Variants in P2RX7 observed in about 807,000 individuals in gnomAD.
P2RX7 encodes P2X purinoceptor 7.
P2RX7 carries 62 observed loss-of-function variants against 71.6 expected under a neutral mutation model. That is an observed-to-expected ratio of 0.87 (90% confidence interval 0.71 to 1.07). P2RX7 has a LOEUF of 1.07. Among genes scored for constraint, P2RX7 ranks in the 50% least tolerant of loss-of-function variants. The pLI is 0.00. For missense variants in P2RX7, 686 were observed against 748.5 expected (o/e 0.92, Z 0.97); for synonymous variants, 299 against 283.3 (o/e 1.06, Z -0.56).
At chr12:121,163,602 T>C (rs938598489) in intron 5 of P2RX7, among the ~76,000 whole-genome samples, 1 of 1,440 alleles carries the variant, frequency 6.9e-4, no homozygotes, top group Non-Finnish European at 1.7e-3. Context: ...GACAGGTAGA[T>C]AGATAGATAG....
At position 121,149,788 on chromosome 12, in the gene P2RX7, T is replaced by C. The variant is rs1448832853; in HGVS notation, c.126-4997T>C. ...TCTCACTGTGTTGCCCAGGCTTGTC[T>C]TGAACTCCTGGGCTCAAGGGATCCT... On this transcript the variant is annotated intron_variant, in intron 1 of 12. Coordinates refer to ENST00000328963, the MANE Select transcript of P2RX7 (RefSeq NM_002562.6). The surrounding 1 kb of genome is among the most constrained non-coding windows in gnomAD (Gnocchi z 4.7). 1.3e-5 allele frequency among the ~76,000 whole-genome samples: 2 copies of C among 152,128 alleles called. No homozygotes were observed. The highest frequency in any genetic ancestry group is 1.3e-4 in the Admixed American group (2 of 15,252).
intron 5 of P2RX7, 134 bp downstream of exon 5, chr12:121,162,654 G>GTC: frequency 1.1e-6 from 1 of 936,186 alleles, no homozygotes; most frequent in Non-Finnish European, 1.6e-6. Flanking sequence ...GGACCCCTGC[G>GTC]CTCTGGATGC....
chr12:121,136,019 A>ATATAT lies in P2RX7; in HGVS notation c.125+2924_125+2925insTATAT, dbSNP rs1456392857. 4.3e-3 allele frequency among the ~76,000 whole-genome samples: 76 copies of ATATAT among 17,838 alleles called. No individual in the cohort carries two copies. In the South Asian group the frequency reaches 0.068, roughly 16 times the overall value. The allele number at this position is 17,838 out of a possible 152,430, so 11.7% of individuals were successfully genotyped here. A position where few individuals can be genotyped will look rare whatever the true frequency, so the allele number is the denominator to read the frequency against. On this transcript the variant is annotated intron_variant, in intron 1 of 12. Coordinates refer to ENST00000328963, the MANE Select transcript of P2RX7 (RefSeq NM_002562.6). The stretch of plus-strand genomic sequence containing the variant: ...ACTCTGTCTCAAAAAAAAAAAAAAA[A>ATATAT]AAAAATATATATATATATATATAGT...
Position 121,149,669 on chromosome 12 carries a change from A to G in P2RX7, c.126-5116A>G, listed in dbSNP as rs180739866. ...CAAGATGAAATTTGGATGGGGACAC[A>G]GCCAAACCATATCAGTGGCCCTGGC... On this transcript the variant is annotated intron_variant, in intron 1 of 12. Coordinates refer to ENST00000328963, the MANE Select transcript of P2RX7 (RefSeq NM_002562.6). The surrounding 1 kb of genome is among the most constrained non-coding windows in gnomAD (Gnocchi z 4.7). 6.6e-6 allele frequency among the ~76,000 whole-genome samples: 1 copy of G among 152,202 alleles called. No homozygotes were observed. Among genetic ancestry groups the G allele is most frequent in the African/African-American group, 2.4e-5 (1 of 41,440 alleles).
At chr12:121,140,139 A>G (rs1055371573) in intron 1 of P2RX7, among the ~76,000 whole-genome samples, 1 of 152,162 alleles carries the variant, frequency 6.6e-6, no homozygotes, top group African/African-American at 2.4e-5. Flanking sequence ...GTCAGAGGTA[A>G]CCCAGTTCGG....
intron 1 of P2RX7, among the ~76,000 whole-genome samples, chr12:121,134,164 T>C (rs140561970): frequency 6.6e-6 from 1 of 152,372 alleles, no homozygotes; most frequent in East Asian, 1.9e-4. Context: ...AACATTTGTG[T>C]ACAAGGTTTT....
At chr12:121,142,210 C>T (rs940271501) in intron 1 of P2RX7, among the ~76,000 whole-genome samples, 3 of 152,192 alleles carry the variant, frequency 2.0e-5, no homozygotes, top group Admixed American at 6.5e-5. Flanking sequence ...TAAATCAAGG[C>T]GTCAGCAGGC....
Position 121,145,750 on chromosome 12 carries a change from C to T in P2RX7, c.126-9035C>T, listed in dbSNP as rs369801928. ...CTCAAACTCCTGACCTCTTGATCCA[C>T]CTGCCTCAGCCTCCCAAAGTGCTGG... On this transcript the variant is annotated intron_variant, in intron 1 of 12. Transcript: ENST00000328963. Among the ~76,000 whole-genome samples, 74 of 152,256 alleles carry T rather than the reference C, an allele frequency of 4.9e-4. 2 individuals are homozygous for T. In the East Asian group the frequency reaches 0.011, roughly 23 times the overall value.
Position 121,184,765 on chromosome 12 carries a change from G to A in P2RX7, c.1751G>A (p.Ser584Asn). ...RWRIRKEFPK[S>N]EGQYSGFKSP... ...AGGATCCGGAAAGAGTTTCCGAAGA[G>A]TGAAGGGCAGTACAGTGGCTTCAAG... The change falls in exon 13 of 13, where the codon AGT becomes AAT. Residue 584 changes from serine to asparagine, a missense_variant. Transcript: ENST00000328963. 2 of 1,552,206 alleles carry A rather than the reference G, an allele frequency of 1.3e-6. No homozygotes were observed. The highest frequency in any genetic ancestry group is 8.7e-7 in the Non-Finnish European group (1 of 1,147,486).
chr12:121,170,152 T>C (rs1881889660), intron 8 of P2RX7, among the ~76,000 whole-genome samples: 2 of 152,182 alleles, frequency 1.3e-5, no homozygotes, highest in Non-Finnish European at 2.9e-5. Flanking sequence ...AACCAGCTCC[T>C]AATTGTGATA....
At position 121,177,223 on chromosome 12, in the gene P2RX7, C is replaced by G. The variant is rs749098983; in HGVS notation, c.1038+11C>G. The G allele has an allele frequency of 1.2e-6, 2 of 1,614,170 alleles. No homozygotes were observed. The highest frequency in any genetic ancestry group is 1.7e-6 in the Non-Finnish European group (2 of 1,180,012). ...TCCTACTTCGGTCTGGTAAGAGATT[C>G]TCTTTTCCATGCTTTAGGAAAATGG... is the stretch of plus-strand genomic sequence containing the variant. On this transcript the variant is annotated intron_variant, in intron 10 of 12. Transcript: ENST00000328963.
rs1326749871 is a variant in P2RX7 at position 121,151,583 on chromosome 12, A to G, written c.126-3202A>G. Among the ~76,000 whole-genome samples, 4 of 151,948 alleles carry G rather than the reference A, an allele frequency of 2.6e-5. No homozygotes were observed. In the East Asian group the frequency reaches 7.7e-4, roughly 29 times the overall value. ...GTTTGTTTTAATATTTCTACAGCAC[A>G]TATATGTCTACATATATAAAAAATA... On this transcript the variant is annotated intron_variant, in intron 1 of 12. Coordinates refer to ENST00000328963, the MANE Select transcript of P2RX7 (RefSeq NM_002562.6).
chr12:121,163,624 GATA>G (rs1253061393), intron 5 of P2RX7, among the ~76,000 whole-genome samples: 3 of 149,794 alleles, frequency 2.0e-5, no homozygotes, highest in Admixed American at 6.7e-5. Context: ...TAGATAGATA[GATA>G]GATAGATAGA....
chr12:121,177,412 G>A lies in P2RX7; in HGVS notation c.1154G>A (p.Arg385Lys), dbSNP rs779382601. 8 of 1,613,574 alleles carry A rather than the reference G, an allele frequency of 5.0e-6. No homozygotes were observed. The highest frequency in any genetic ancestry group is 3.3e-5 in the South Asian group (3 of 91,058). Residue 385 changes from arginine to lysine, a missense_variant, in exon 11 of 13, where the codon AGG becomes AAG. Coordinates refer to ENST00000328963, the MANE Select transcript of P2RX7 (RefSeq NM_002562.6). ...TGTGTGGTCAACGAATACTACTACA[G>A]GAAGAAGTGCGAGTCCATTGTGGAG... ...QPCVVNEYYY[R>K]KKCESIVEPK...
chr12:121,146,692 T>C (rs1876282880), intron 1 of P2RX7, among the ~76,000 whole-genome samples: 1 of 152,186 alleles, frequency 6.6e-6, no homozygotes, highest in Non-Finnish European at 1.5e-5. Flanking sequence ...AGCTATAAAA[T>C]GTGCACACCC....
chr12:121,158,528 T>G (rs754336922), intron 3 of P2RX7, among the ~76,000 whole-genome samples: 2 of 152,208 alleles, frequency 1.3e-5, no homozygotes, highest in Non-Finnish European at 2.9e-5. Flanking sequence ...CTTCCAGGCC[T>G]TCTTAAGGCT....
intron 8 of P2RX7, among the ~76,000 whole-genome samples, chr12:121,171,781 C>G (rs576734049): frequency 3.0e-4 from 45 of 152,008 alleles, no homozygotes; most frequent in South Asian, 1.0e-3. Context: ...AGAAACATCT[C>G]AGAGCTTCTG....
chr12:121,158,086 T>G (rs1878953768), intron 3 of P2RX7, among the ~76,000 whole-genome samples: 2 of 151,980 alleles, frequency 1.3e-5, no homozygotes, highest in Non-Finnish European at 2.9e-5. Flanking sequence ...GGCATTTGCC[T>G]CCTCTCTGCC....
At chr12:121,160,468 C>T (rs1168271564) in intron 3 of P2RX7, among the ~76,000 whole-genome samples, 1 of 152,082 alleles carries the variant, frequency 6.6e-6, no homozygotes, top group Non-Finnish European at 1.5e-5. Context: ...ATTTTCATCA[C>T]CTACAAAGGA....
Sources: allele counts gnomAD v4.1 joint callset (sites outside exome capture counted in the v4.1 genomes callset), GRCh38; gene constraint gnomAD v4.1.1; non-coding constraint Gnocchi (gnomAD v3.1); transcripts MANE v1.5; gene names NCBI Gene and HGNC (gene_info 2026-07-23, HGNC 2026-07-21).